The following FGD6 variants were observed in gnomAD, a reference collection of about 807,000 sequenced individuals.
The protein encoded by FGD6 is FYVE, RhoGEF and PH domain-containing protein 6.
A neutral mutation model predicts 149.4 loss-of-function variants in FGD6; 90 were observed. That is an observed-to-expected ratio of 0.60 (90% CI 0.51 to 0.72). FGD6 has a LOEUF of 0.72. FGD6 is among the 30% of genes least tolerant of loss of function. The probability of loss-of-function intolerance (pLI) is 0.00; values close to 1 mark genes in which losing one functional copy is unlikely to be tolerated. For missense variants in FGD6, 1,437 were observed against 1,684.8 expected (o/e 0.85, Z 2.57); for synonymous variants, 527 against 584.0 (o/e 0.90, Z 1.41).
intron 3 of FGD6, among the ~76,000 whole-genome samples, chr12:95,169,015 C>T (rs1473753701): frequency 6.6e-6 from 1 of 152,164 alleles, no homozygotes; most frequent in Admixed American, 6.6e-5. Flanking sequence ...TCTATTAGTG[C>T]TATTGTTGTC....
rs756656073 is a variant in FGD6, at chr12:95,210,288, A to C, written c.996T>G (p.Asp332Glu). The change falls in exon 2 of 21, where the codon GAT (aspartate) becomes GAG (glutamate). Residue 332 changes from aspartate to glutamate, a missense_variant. Coordinates refer to ENST00000343958, the MANE Select transcript of FGD6 (RefSeq NM_018351.4). The part of the protein sequence containing the change: ...TARLLRQKCV[D>E]TPSESTEEPG... Reference sequence around the variant, plus strand: ...GTTCTTCAGTGCTTTCACTAGGAGTATCTACACACTTTTGGCGTAACAGAC... The same window carrying C: ...GTTCTTCAGTGCTTTCACTAGGAGTCTCTACACACTTTTGGCGTAACAGAC... 6.2e-7 allele frequency: 1 copy of C among 1,614,206 alleles called. No homozygotes were observed. Among genetic ancestry groups the C allele is most frequent in the Non-Finnish European group, 8.5e-7 (1 of 1,180,048 alleles).
intron 1 of FGD6, among the ~76,000 whole-genome samples, chr12:95,213,188 G>A (rs1050677883): frequency 5.9e-5 from 9 of 151,972 alleles, no homozygotes; most frequent in South Asian, 2.1e-4. Flanking sequence ...TCTTCCCAAC[G>A]GCCCATCTTA....
intron 8 of FGD6, among the ~76,000 whole-genome samples, chr12:95,120,513 CCT>C (rs1565901111): frequency 2.0e-5 from 3 of 151,622 alleles, no homozygotes; most frequent in Non-Finnish European, 2.9e-5. Context: ...ATAGCGAAAC[CCT>C]GTCTCTACTA....
chr12:95,214,273 A>C (rs1470306453), intron 1 of FGD6, among the ~76,000 whole-genome samples: 1 of 152,244 alleles, frequency 6.6e-6, no homozygotes, highest in Admixed American at 6.5e-5. Context: ...TTTAAAAATA[A>C]TCACATTCAA....
chr12:95,148,523 ATATTATATAAT>A (rs1159636120), intron 5 of FGD6, among the ~76,000 whole-genome samples: 1 of 115,314 alleles, frequency 8.7e-6, no homozygotes, highest in Non-Finnish European at 1.8e-5. Flanking sequence ...ATTATATTAT[ATATTATATAAT>A]ATATAGCATA....
At chr12:95,168,724 C>G (rs934297414) in intron 3 of FGD6, among the ~76,000 whole-genome samples, 1 of 152,060 alleles carries the variant, frequency 6.6e-6, no homozygotes, top group East Asian at 1.9e-4. Context: ...GTGTTAAGCT[C>G]TGTTCTAAAC....
At chr12:95,183,235 C>G (rs2136289139) in intron 2 of FGD6, among the ~76,000 whole-genome samples, 1 of 152,326 alleles carries the variant, frequency 6.6e-6, no homozygotes, top group East Asian at 1.9e-4. Flanking sequence ...CAGTGTCTGC[C>G]TAGCCCTGAG....
intron 5 of FGD6, among the ~76,000 whole-genome samples, chr12:95,141,855 C>G (rs1280745439): frequency 6.6e-6 from 1 of 152,096 alleles, no homozygotes; most frequent in Non-Finnish European, 1.5e-5. Flanking sequence ...TCTAAATAGT[C>G]TTTAGAATTA....
intron 2 of FGD6, among the ~76,000 whole-genome samples, chr12:95,195,478 C>T (rs1473925110): frequency 2.0e-5 from 3 of 151,756 alleles, no homozygotes; most frequent in Non-Finnish European, 4.4e-5. Context: ...GTGAAATGGA[C>T]ACGTACCTAC....
In FGD6 at chr12:95,209,522, C is replaced by T. The variant is rs1281269436; in HGVS notation, c.1762G>A (p.Val588Ile). The T allele has an allele frequency of 1.5e-5, 24 of 1,613,626 alleles. No homozygotes were observed. The highest frequency in any genetic ancestry group is 3.3e-5 in the South Asian group (3 of 90,982). Residue 588 changes from valine to isoleucine, a missense_variant, in exon 2 of 21, where the codon GTA becomes ATA. Transcript: ENST00000343958. ...GNPEFLKSVT[V>I]SSNSEPSTAL... ...GTTGAAGGCTCACTGTTTGACGATACGGTGACAGACTTTAAGAATTCTGGG... is the reference window on the plus strand; with the variant it reads ...GTTGAAGGCTCACTGTTTGACGATATGGTGACAGACTTTAAGAATTCTGGG...
chr12:95,206,996 T>C (rs1310033239), intron 2 of FGD6, among the ~76,000 whole-genome samples: 9 of 138,600 alleles, frequency 6.5e-5, no homozygotes, highest in Admixed American at 5.7e-4. Flanking sequence ...CCAACAATGC[T>C]TTTTTTTTTT....
At chr12:95,108,472 C>T (rs1878705341) in intron 10 of FGD6, 31 bp downstream of exon 10, 2 of 1,613,818 alleles carry the variant, frequency 1.2e-6, no homozygotes, top group African/African-American at 1.3e-5. Flanking sequence ...AGGTTCAAGA[C>T]CACACCAGCC....
intron 2 of FGD6, among the ~76,000 whole-genome samples, chr12:95,185,218 A>T (rs559801689): frequency 6.6e-6 from 1 of 152,178 alleles, no homozygotes; most frequent in Non-Finnish European, 1.5e-5. Flanking sequence ...CACCAGTTAC[A>T]TTGCTGACTA....
intron 14 of FGD6, among the ~76,000 whole-genome samples, chr12:95,096,808 C>T (rs1007681644): frequency 3.3e-5 from 5 of 152,218 alleles, no homozygotes; most frequent in Non-Finnish European, 7.3e-5. Context: ...CCTCTCACCA[C>T]CAGGTCATTG....
chr12:95,082,419 A>G (rs1877707344), intron 20 of FGD6, among the ~76,000 whole-genome samples: 2 of 151,952 alleles, frequency 1.3e-5, no homozygotes, highest in Non-Finnish European at 2.9e-5. Flanking sequence ...GTACTTTGGG[A>G]GGCTGAGTTG....
At chr12:95,126,007 A>G (rs1405980702) in intron 8 of FGD6, 27 of 1,374,294 alleles carry the variant, frequency 2.0e-5, no homozygotes, top group East Asian at 4.6e-5. Context: ...GTAGACATCA[A>G]TACAAAATGG....
At chr12:95,133,208 A>G (rs1467122741) in intron 8 of FGD6, among the ~76,000 whole-genome samples, 1 of 152,198 alleles carries the variant, frequency 6.6e-6, no homozygotes, top group Non-Finnish European at 1.5e-5. Flanking sequence ...ACTTGAGGTC[A>G]GGAGTTTGAG....
Position 95,141,275 on chromosome 12 carries a change from A to G in FGD6, c.2837+113T>C, listed in dbSNP as rs1182485622. ...CAATCTATGGATAACTGCAAAGACA[A>G]TATATTCAAACAACTCAATGTAATG... On this transcript the variant is annotated intron_variant, in intron 6 of 20. Coordinates refer to ENST00000343958, the MANE Select transcript of FGD6 (RefSeq NM_018351.4). 4.1e-5 allele frequency: 46 copies of G among 1,121,888 alleles called. No homozygotes were observed. In the East Asian group the frequency reaches 1.1e-3, roughly 26 times the overall value. 69.5% of individuals were successfully genotyped at this position (1,121,888 alleles called of 1,614,324 possible).
intron 5 of FGD6, among the ~76,000 whole-genome samples, chr12:95,148,709 CATAGCATATGT>C (rs1880119370): frequency 2.0e-5 from 2 of 101,786 alleles, no homozygotes; most frequent in Non-Finnish European, 3.6e-5. Flanking sequence ...TTATATAATA[CATAGCATATGT>C]TATATTACAT....
Sources: allele counts gnomAD v4.1 joint callset (sites outside exome capture counted in the v4.1 genomes callset), GRCh38; gene constraint gnomAD v4.1.1; transcripts MANE v1.5; gene names NCBI Gene and HGNC (gene_info 2026-07-23, HGNC 2026-07-21).